ZNF568: variants seen among roughly 807,000 people sequenced by gnomAD.
ZNF568 encodes zinc finger protein 568.
Under a neutral mutation model 18.1 loss-of-function variants are expected in ZNF568, and 11 were observed. That is an observed-to-expected ratio of 0.61 (90% CI 0.38 to 1.00). The LOEUF (loss-of-function observed/expected upper bound fraction) is 1.00. ZNF568 is among the 50% of genes least tolerant of loss of function. ZNF568 has a pLI of 0.01. For synonymous variants in ZNF568, 213 were observed against 246.6 expected (o/e 0.86, Z 1.28); for missense variants, 639 against 768.2 (o/e 0.83, Z 1.99).
At chr19:36,958,616 C>CTTTTTTTTTTTTTTTTTTTTTTTTTT (rs35494587) in intron 6 of ZNF568, among the ~76,000 whole-genome samples, 21 of 99,130 alleles carry the variant, frequency 2.1e-4, no homozygotes, top group East Asian at 8.6e-4. Flanking sequence ...CTTTTTCTTT[C>CTTTTTTTTTTTTTTTTTTTTTTTTTT]TTTTTTTTTT....
At chr19:36,964,682 GAC>G (rs2074181164) in intron 6 of ZNF568, among the ~76,000 whole-genome samples, 1 of 152,164 alleles carries the variant, frequency 6.6e-6, no homozygotes. Context: ...CGGACGGTGT[GAC>G]ACACACTTGT....
Position 36,949,530 on chromosome 19 carries a change from A to G in ZNF568, c.377A>G (p.Glu126Gly), listed in dbSNP as rs200966613. Residue 126 changes from glutamate (E) to glycine (G), a missense_variant, in exon 7 of 7, where the codon GAA becomes GGA. Coordinates refer to ENST00000333987, the MANE Select transcript of ZNF568 (RefSeq NM_198539.4). ...RHCPEVWEVD[E>G]QIKKQQETLV... ...ATTTTAGAAGTTTGGGAAGTTGATG[A>G]ACAGATCAAGAAGCAACAGGAAACA... The G allele has an allele frequency of 3.4e-5, 54 of 1,584,698 alleles. No individual in the cohort carries two copies. In the East Asian group the frequency reaches 1.2e-3, roughly 35 times the overall value.
intron 3 of ZNF568, among the ~76,000 whole-genome samples, chr19:36,924,322 G>T (rs1264329760): frequency 6.6e-6 from 1 of 151,682 alleles, no homozygotes; most frequent in East Asian, 2.0e-4. Flanking sequence ...GGGTTCAAGC[G>T]ATTCTCCTGC....
At chr19:36,994,494 T>A (rs558774677) in intron 4 of ZNF568, among the ~76,000 whole-genome samples, 1 of 152,368 alleles carries the variant, frequency 6.6e-6, no homozygotes, top group Admixed American at 6.5e-5. Context: ...TATCCATTAT[T>A]GAAAGTAAAG....
At chr19:36,997,210 C>A (rs2146354856) in exon 5 of ZNF568, 1 of 1,607,730 alleles carries the variant, frequency 6.2e-7, no homozygotes, top group Admixed American at 1.7e-5. Flanking sequence ...TGAGAAACCC[C>A]ATGAATGTAA....
At chr19:36,994,771 A>T (rs1247405952) in intron 4 of ZNF568, among the ~76,000 whole-genome samples, 1 of 152,018 alleles carries the variant, frequency 6.6e-6, no homozygotes, top group Non-Finnish European at 1.5e-5. Context: ...TCCCAGGTTG[A>T]TGTGATTCTC....
chr19:36,960,110 CT>C (rs34588591), intron 6 of ZNF568, among the ~76,000 whole-genome samples: 1,620 of 87,568 alleles, frequency 0.018, 11 homozygotes, highest in African/African-American at 0.046. Context: ...AATTGTTCTA[CT>C]TTTTTTTTTT....
At chr19:36,925,340 G>A in intron 4 of ZNF568, 82 bp downstream of exon 4, 1 of 1,225,708 alleles carries the variant, frequency 8.2e-7, no homozygotes, top group Non-Finnish European at 1.2e-6. Flanking sequence ...CAATGTGTTG[G>A]AAAAAATAAA....
intron 2 of ZNF568, 132 bp downstream of exon 2, chr19:36,917,780 A>C (rs1415515862): frequency 1.3e-5 from 2 of 152,294 alleles, no homozygotes; most frequent in African/African-American, 4.8e-5. Context: ...AATTCACCTT[A>C]TCCCTTTTTC....
At position 36,950,833 on chromosome 19, in the gene ZNF568, T is replaced by C. The variant is rs1278901208; in HGVS notation, c.1680T>C (p.Cys560=). ...KIHTGEKPFK[C]NECGKAFSRI... ...ATACTGGAGAGAAACCATTCAAATG[T>C]AATGAATGTGGTAAAGCCTTCTCTC... Residue 560 remains cysteine, a synonymous_variant, in exon 7 of 7, where the codon TGT becomes TGC. Transcript: ENST00000333987. 1 of 1,613,836 alleles carries C rather than the reference T, an allele frequency of 6.2e-7. No homozygotes were observed. The highest frequency in any genetic ancestry group is 2.2e-5 in the East Asian group (1 of 44,852).
chr19:36,966,404 C>T (rs977682391), intron 6 of ZNF568, among the ~76,000 whole-genome samples: 13 of 152,316 alleles, frequency 8.5e-5, no homozygotes, highest in African/African-American at 3.1e-4. Flanking sequence ...AGCCATCATG[C>T]CTGGTCCATC....
rs1280560215 is a variant in ZNF568 at position 36,927,858 on chromosome 19, G to GTA, written c.135+2601_135+2602insAT. 7.2e-3 allele frequency among the ~76,000 whole-genome samples: 221 copies of GTA among 30,620 alleles called. 1 individual carries two copies. The highest frequency in any genetic ancestry group is 0.01 in the Non-Finnish European group (181 of 17,712). The allele number at this position is 30,620 out of a possible 152,430, so 20.1% of individuals were successfully genotyped here. On this transcript the variant is annotated intron_variant, in intron 4 of 6. Transcript: ENST00000333987. ...TATAAAGATATATGTGTGTGTGTGTGTGTATATATATATATATATATATAT... is the reference window on the plus strand; with the variant it reads ...TATAAAGATATATGTGTGTGTGTGTGTATGTATATATATATATATATATATAT...
chr19:36,991,133 T>G, intron 2 of ZNF568: 1 of 1,507,254 alleles, frequency 6.6e-7, no homozygotes, highest in Non-Finnish European at 8.8e-7. Context: ...TTAAAGATTT[T>G]GTCCATGAAT....
At chr19:36,955,571 G>C (rs1348620055), downstream of ZNF568, among the ~76,000 whole-genome samples, 1 of 152,126 alleles carries the variant, frequency 6.6e-6, no homozygotes, top group African/African-American at 2.4e-5. Flanking sequence ...AAGTGACTGA[G>C]ACAGACTTTG....
At position 36,922,787 on chromosome 19, in the gene ZNF568, C is replaced by T; in HGVS notation, c.17C>T (p.Ser6Leu). The change falls in exon 3 of 7, where the codon TCA becomes TTA. Residue 6 changes from serine to leucine, a missense_variant. Physicochemically the swap from Ser to Leu is moderately radical, Grantham distance 145 (BLOSUM62 -2). Transcript: ENST00000333987. The part of the protein sequence containing the change: MTSQS[S>L]VISNSCVTME... ...AGGGTCTGAATGACATCTCAATCTT[C>T]AGTGATCAGCAATAGCTGTGTGACA... The T allele has an allele frequency of 6.2e-7, 1 of 1,613,994 alleles. No individual in the cohort carries two copies. Among genetic ancestry groups the T allele is most frequent in the Non-Finnish European group, 8.5e-7 (1 of 1,179,966 alleles).
At chr19:36,931,197 C>G (rs949221905) in intron 4 of ZNF568, among the ~76,000 whole-genome samples, 1 of 152,102 alleles carries the variant, frequency 6.6e-6, no homozygotes, top group African/African-American at 2.4e-5. Context: ...CACTGGAGCA[C>G]ATGAGCCAAG....
At chr19:36,981,322 T>C (rs1644661), downstream of ZNF568, among the ~76,000 whole-genome samples, 81,633 of 151,962 alleles carry the variant, frequency 0.54, 22,463 homozygotes, top group African/African-American at 0.62. Context: ...TGGCTTCATA[T>C]ACATTTTAGA....
downstream of ZNF568, chr19:36,997,879 G>T: frequency 2.8e-6 from 1 of 354,622 alleles, no homozygotes; most frequent in Non-Finnish European, 5.2e-6. Flanking sequence ...GATACAACTG[G>T]TGAAAAATTG....
intron 6 of ZNF568, 144 bp downstream of exon 6, chr19:36,937,386 C>T: frequency 1.7e-6 from 1 of 581,726 alleles, no homozygotes; most frequent in South Asian, 3.1e-5. Context: ...CTTTAGATTA[C>T]TGTGACATTT....
Sources: gnomAD v4.1 joint callset for allele counts (sites outside exome capture counted in the v4.1 genomes callset) on GRCh38, gnomAD v4.1.1 for gene constraint, MANE v1.5 for transcripts, NCBI Gene and HGNC (gene_info 2026-07-23, HGNC 2026-07-21) for gene names.